LRP2: variants seen among roughly 807,000 people sequenced by gnomAD.
LRP2 encodes the protein low-density lipoprotein receptor-related protein 2.
A neutral mutation model predicts 531.0 loss-of-function variants in LRP2; 172 were observed. The ratio of observed to expected loss-of-function variants is 0.32; its 90% CI spans 0.29 to 0.37. The LOEUF (loss-of-function observed/expected upper bound fraction) is 0.37. LRP2 is among the 10% of genes least tolerant of loss of function. The pLI is 1.00. For missense variants in LRP2, 5,167 were observed against 5,868.3 expected, an observed-to-expected ratio of 0.88 and a Z score of 3.90; for synonymous variants, 1,992 against 2,027.6, an observed-to-expected ratio of 0.98 and a Z score of 0.47.
intron 4 of LRP2, among the ~76,000 whole-genome samples, chr2:169,299,163 GAAAGAAAGAA>G (rs757414986): frequency 0.11 from 2,096 of 18,668 alleles, 217 homozygotes; most frequent in Middle Eastern, 0.25. Flanking sequence ...AAGAAAAAAA[GAAAGAAAGAA>G]AAAGAAAGAA....
In LRP2 at chr2:169,206,176, G is replaced by GCAGTCC. The variant is rs777713640; in HGVS notation, c.7397_7402dup (p.Gly2466_Thr2467dup). On this transcript the variant is annotated inframe_insertion, in exon 40 of 79. Coordinates refer to ENST00000649046, the MANE Select transcript of LRP2 (RefSeq NM_004525.3). ...AATCCAGTCAAAGGCAATGCCATCA[G>GCAGTCC]CAGTCCCTATACCTGGACACATACA... is the stretch of plus-strand genomic sequence containing the variant. 1 of 1,614,132 alleles carries GCAGTCC rather than the reference G, an allele frequency of 6.2e-7. No homozygotes were observed. Among genetic ancestry groups the GCAGTCC allele is most frequent in the Non-Finnish European group, 8.5e-7 (1 of 1,180,018 alleles).
rs2075255 is a variant in LRP2 at position 169,243,385 on chromosome 2, A to T, written c.3550+18T>A. On this transcript the variant is annotated intron_variant, in intron 23 of 78. Coordinates refer to ENST00000649046, the MANE Select transcript of LRP2 (RefSeq NM_004525.3). Reference sequence around the variant, plus strand: ...TCTAAATAAACATTGTGAATAAAAAAGAAGGCAATGCACTTACCACAACCA... The same window carrying T: ...TCTAAATAAACATTGTGAATAAAAATGAAGGCAATGCACTTACCACAACCA... 3.3e-5 allele frequency: 54 copies of T among 1,612,860 alleles called. No homozygotes were observed. The African/African-American group carries it at 5.6e-4, about 17-fold the overall frequency.
chr2:169,288,457 TC>T (rs1683914582), intron 9 of LRP2, among the ~76,000 whole-genome samples: 1 of 152,188 alleles, frequency 6.6e-6, no homozygotes, highest in African/African-American at 2.4e-5. Context: ...GAATGATAGT[TC>T]CAAGTGGATG....
intron 1 of LRP2, among the ~76,000 whole-genome samples, chr2:169,336,936 G>A (rs1248447928): frequency 2.0e-5 from 3 of 152,098 alleles, no homozygotes. Context: ...AAGTTTGGTG[G>A]GTAAGGTTAC....
intron 48 of LRP2, among the ~76,000 whole-genome samples, chr2:169,190,069 C>T (rs915467027): frequency 2.0e-5 from 3 of 152,104 alleles, no homozygotes; most frequent in African/African-American, 7.2e-5. Context: ...GAGTCTAAGC[C>T]TAGGTATTCA....
At chr2:169,143,789 T>C (rs934854700) in intron 70 of LRP2, among the ~76,000 whole-genome samples, 5 of 152,226 alleles carry the variant, frequency 3.3e-5, no homozygotes, top group African/African-American at 1.2e-4. Context: ...TACCTTAGCA[T>C]GTATTATGAT....
At chr2:169,285,774 C>A (rs1214962739) in intron 9 of LRP2, among the ~76,000 whole-genome samples, 1 of 152,172 alleles carries the variant, frequency 6.6e-6, no homozygotes, top group Non-Finnish European at 1.5e-5. Context: ...CTTCAGCATG[C>A]CTCAGAGCTT....
intron 3 of LRP2, 49 bp downstream of exon 3, chr2:169,318,713 G>C (rs759236664): frequency 6.2e-7 from 1 of 1,613,470 alleles, no homozygotes; most frequent in South Asian, 1.1e-5. Context: ...GACAGGTTGG[G>C]TTTTAGGTGT....
chr2:169,226,765 G>A (rs1362100274), intron 31 of LRP2, among the ~76,000 whole-genome samples, 177 bp from the exon 32 acceptor site: 1 of 152,118 alleles, frequency 6.6e-6, no homozygotes, highest in African/African-American at 2.4e-5. Context: ...GTTTCAGTGG[G>A]CTGCTGGACC....
intron 3 of LRP2, among the ~76,000 whole-genome samples, chr2:169,309,243 C>G (rs544982310): frequency 6.6e-6 from 1 of 152,274 alleles, no homozygotes; most frequent in Non-Finnish European, 1.5e-5. Flanking sequence ...TCCCATTTAT[C>G]AATTTTGGCT....
At chr2:169,307,225 A>G in intron 4 of LRP2, 56 bp downstream of exon 4, 1 of 1,171,608 alleles carries the variant, frequency 8.5e-7, no homozygotes, top group Non-Finnish European at 1.3e-6. Flanking sequence ...ATTGATTAAA[A>G]TGCCAAAGGG....
At chr2:169,206,296 C>T in intron 39 of LRP2, 34 bp downstream of exon 39, 1 of 1,612,264 alleles carries the variant, frequency 6.2e-7, no homozygotes, top group Non-Finnish European at 8.5e-7. Flanking sequence ...ATTGTGTCTA[C>T]TTGCAGGACA....
chr2:169,128,289 A>G lies in LRP2; in HGVS notation c.*374T>C, dbSNP rs1351093603. 2.0e-5 allele frequency: 4 copies of G among 198,050 alleles called. No homozygotes were observed. Among genetic ancestry groups the G allele is most frequent in the Admixed American group, 1.7e-4 (3 of 18,034 alleles). 12.3% of individuals were successfully genotyped at this position (198,050 alleles called of 1,614,324 possible). A position where few individuals can be genotyped will look rare whatever the true frequency, so the allele number is the denominator to read the frequency against. On this transcript the variant is annotated 3_prime_UTR_variant, in exon 79 of 79. Transcript: ENST00000649046. ...TGGTGCCTCTTCTTTAGACACGGCT[A>G]AAGGTCCCCAGTCAATTCCTTTTCT...
At chr2:169,187,277 G>T (rs1687667265) in intron 49 of LRP2, among the ~76,000 whole-genome samples, 1 of 152,002 alleles carries the variant, frequency 6.6e-6, no homozygotes, top group South Asian at 2.1e-4. Context: ...TTCATATAAG[G>T]ATAAAAACTA....
At chr2:169,134,365 C>T (rs1483711896) in intron 76 of LRP2, among the ~76,000 whole-genome samples, 1 of 152,176 alleles carries the variant, frequency 6.6e-6, no homozygotes, top group Admixed American at 6.6e-5. Flanking sequence ...GAGTCTCCCA[C>T]AATTACCATT....
chr2:169,211,856 G>A (rs1459187904), intron 37 of LRP2, 112 bp downstream of exon 37: 2 of 1,416,446 alleles, frequency 1.4e-6, no homozygotes, highest in African/African-American at 2.8e-5. Flanking sequence ...AAAGGGAAAG[G>A]AAAGCTTCAT....
At chr2:169,298,990 T>A (rs1559063623) in intron 4 of LRP2, among the ~76,000 whole-genome samples, 1 of 150,558 alleles carries the variant, frequency 6.6e-6, no homozygotes, top group Non-Finnish European at 1.5e-5. Context: ...AGTCCAAAAG[T>A]AATTTGAAGA....
At chr2:169,143,203 A>T (rs1447350899) in intron 70 of LRP2, among the ~76,000 whole-genome samples, 2 of 152,218 alleles carry the variant, frequency 1.3e-5, no homozygotes, top group South Asian at 4.1e-4. Flanking sequence ...ACAGATCATA[A>T]CATATGGTCT....
At chr2:169,136,293 C>T (rs1298526900) in intron 76 of LRP2, among the ~76,000 whole-genome samples, 1 of 152,080 alleles carries the variant, frequency 6.6e-6, no homozygotes, top group Non-Finnish European at 1.5e-5. Context: ...AAACACTGCG[C>T]ATTATCTCTC....
Sources: gnomAD v4.1 joint callset for allele counts (sites outside exome capture counted in the v4.1 genomes callset) on GRCh38, gnomAD v4.1.1 for gene constraint, MANE v1.5 for transcripts, NCBI Gene and HGNC (gene_info 2026-07-23, HGNC 2026-07-21) for gene names.